Variants in PEMT observed in about 807,000 individuals in gnomAD.
PEMT encodes phospholipid methyltransferase.
PEMT carries 23 observed loss-of-function variants against 27.4 expected under a neutral mutation model. The ratio of observed to expected loss-of-function variants is 0.84; its 90% CI spans 0.60 to 1.19. PEMT has a LOEUF of 1.19. Ranked by LOEUF, PEMT falls within the 50% of genes most tolerant of loss-of-function variation. The pLI is 0.00. For missense variants in PEMT, 307 were observed against 310.1 expected (o/e 0.99, Z 0.07); for synonymous variants, 137 against 139.1 (o/e 0.98, Z 0.11).
chr17:17,519,604 C>T (rs74409119), intron 3 of PEMT, among the ~76,000 whole-genome samples: 132 of 151,858 alleles, frequency 8.7e-4, no homozygotes, highest in African/African-American at 2.8e-3. Context: ...ACACAGCACT[C>T]GGCTGGGGCC....
intron 2 of PEMT, among the ~76,000 whole-genome samples, chr17:17,549,362 G>A (rs574969858): frequency 6.6e-6 from 1 of 152,200 alleles, no homozygotes; most frequent in Non-Finnish European, 1.5e-5. Context: ...GCTAATTTTT[G>A]TATTTTTAGT....
At chr17:17,580,921 C>T (rs377611554) in intron 1 of PEMT, among the ~76,000 whole-genome samples, 115 of 152,312 alleles carry the variant, frequency 7.6e-4, no homozygotes, top group African/African-American at 2.6e-3. Context: ...CCCCATGGAC[C>T]CTTACCTATG....
At chr17:17,511,806 C>T (rs1415367753) in intron 4 of PEMT, among the ~76,000 whole-genome samples, 1 of 150,162 alleles carries the variant, frequency 6.7e-6, no homozygotes. Flanking sequence ...CCCCTGCCCC[C>T]ATCTCCCCTC....
At chr17:17,541,652 C>T (rs1460307113) in intron 2 of PEMT, among the ~76,000 whole-genome samples, 2 of 152,252 alleles carry the variant, frequency 1.3e-5, no homozygotes, top group African/African-American at 4.8e-5. Context: ...TTTGTTGAGG[C>T]TTCTGGGGAT....
chr17:17,517,323 C>T (rs1906914932), intron 3 of PEMT, among the ~76,000 whole-genome samples: 1 of 152,264 alleles, frequency 6.6e-6, no homozygotes, highest in Non-Finnish European at 1.5e-5. Context: ...CACTTGGCTT[C>T]CCAGTCCACA....
At position 17,591,615 on chromosome 17, in the gene PEMT, A is replaced by T. The variant is rs750280583; in HGVS notation, c.12T>A (p.Ser4=). The change falls in exon 1 of 7, where the codon TCT becomes TCA. Residue 4 remains serine, a synonymous_variant. Transcript: ENST00000255389. MKR[S]GNPGAEVTNS... is the part of the protein sequence containing the mutation. ...TCGTTACCTCGGCTCCCGGGTTCCC[A>T]GATCTCTTCATCCGGGGGCCGCCTC... The T allele has an allele frequency of 2.5e-6, 4 of 1,612,668 alleles. No homozygotes were observed. Among genetic ancestry groups the T allele is most frequent in the Admixed American group, 1.7e-5 (1 of 59,954 alleles).
intron 2 of PEMT, among the ~76,000 whole-genome samples, chr17:17,545,061 GCCA>G: frequency 6.6e-6 from 1 of 152,306 alleles, no homozygotes; most frequent in South Asian, 2.1e-4. Flanking sequence ...CGTGCAGGCG[GCCA>G]CCAAGGAGCT....
intron 4 of PEMT, among the ~76,000 whole-genome samples, chr17:17,511,128 C>T (rs1013989264): frequency 2.6e-5 from 4 of 152,182 alleles, no homozygotes; most frequent in Admixed American, 6.5e-5. Flanking sequence ...CTGTCCCAAC[C>T]GACAGCACCT....
chr17:17,555,672 C>T (rs887128446), intron 2 of PEMT, among the ~76,000 whole-genome samples: 24 of 152,210 alleles, frequency 1.6e-4, no homozygotes, highest in African/African-American at 5.5e-4. Context: ...TTGGTCACAT[C>T]GGCTCTGACC....
At chr17:17,571,613 G>A (rs1911198207) in intron 2 of PEMT, among the ~76,000 whole-genome samples, 1 of 152,194 alleles carries the variant, frequency 6.6e-6, no homozygotes, top group Non-Finnish European at 1.5e-5. Context: ...TAGAGCCACA[G>A]CCCAGAAAGG....
At position 17,513,787 on chromosome 17, in the gene PEMT, G is replaced by A. The variant is rs1906594868; in HGVS notation, c.321-1133C>T. ...CGCTGGTGGGAAGGGGGCCCTGGGT[G>A]CTAGATGAGAGGCACACTCACAGGA... is the stretch of plus-strand genomic sequence containing the variant. On this transcript the variant is annotated intron_variant, in intron 3 of 6. Transcript: ENST00000255389. This position sits in a 1 kb window ranked among gnomAD's most constrained non-coding sequence, Gnocchi z 4.1. 6.6e-6 allele frequency among the ~76,000 whole-genome samples: 1 copy of A among 151,992 alleles called. No individual in the cohort carries two copies. The highest frequency in any genetic ancestry group is 2.4e-5 in the African/African-American group (1 of 41,344).
intron 2 of PEMT, among the ~76,000 whole-genome samples, chr17:17,556,334 T>C (rs1478025407): frequency 2.0e-5 from 3 of 151,502 alleles, no homozygotes; most frequent in African/African-American, 7.3e-5. Context: ...CGGAGCCTTC[T>C]GCATGGGAGC....
intron 2 of PEMT, among the ~76,000 whole-genome samples, chr17:17,572,775 G>A (rs1911294033): frequency 6.6e-6 from 1 of 152,242 alleles, no homozygotes; most frequent in African/African-American, 2.4e-5. Context: ...AGTCTCCAAA[G>A]GGGATATTAA....
chr17:17,570,185 G>T (rs776557472), intron 2 of PEMT, among the ~76,000 whole-genome samples: 6 of 152,232 alleles, frequency 3.9e-5, no homozygotes, highest in Non-Finnish European at 7.3e-5. Flanking sequence ...CCTTGACACA[G>T]AAGGTCAGGC....
chr17:17,548,070 C>T (rs2142631308), intron 2 of PEMT, among the ~76,000 whole-genome samples: 1 of 152,370 alleles, frequency 6.6e-6, no homozygotes, highest in East Asian at 1.9e-4. Context: ...CCGAACCTCC[C>T]CCCACCTCCC....
intron 5 of PEMT, chr17:17,507,485 G>C: frequency 2.1e-6 from 1 of 476,554 alleles, no homozygotes; most frequent in Non-Finnish European, 3.8e-6. Flanking sequence ...CTGTCTGGGA[G>C]CTGCAGGAGG....
rs1199476642 is a variant in PEMT, at chr17:17,507,091, A to G, written c.579-790T>C. The G allele has an allele frequency of 2.1e-6, 3 of 1,408,180 alleles. No homozygotes were observed. In the African/African-American group the frequency reaches 4.3e-5, roughly 20 times the overall value. The allele number at this position is 1,408,180 out of a possible 1,614,324, so 87.2% of individuals were successfully genotyped here. A position where few individuals can be genotyped will look rare whatever the true frequency, so the allele number is the denominator to read the frequency against. On this transcript the variant is annotated intron_variant, in intron 5 of 6. Coordinates refer to ENST00000255389, the MANE Select transcript of PEMT (RefSeq NM_148172.3). Reference sequence around the variant, plus strand: ...CGGCAGCTCGTCAGTGACGGCACCAAGGAGCCCGGGCGCAGCTGCTTTGGG... The same window carrying G: ...CGGCAGCTCGTCAGTGACGGCACCAGGGAGCCCGGGCGCAGCTGCTTTGGG...
intron 2 of PEMT, among the ~76,000 whole-genome samples, chr17:17,550,825 C>T (rs1219865161): frequency 2.6e-5 from 4 of 152,172 alleles, no homozygotes; most frequent in South Asian, 4.1e-4. Context: ...GTGCACATCT[C>T]GGAGATGTGA....
chr17:17,591,990 C>T, upstream of PEMT: 11 of 985,404 alleles, frequency 1.1e-5, no homozygotes, highest in Non-Finnish European at 1.3e-5. Context: ...CCTTGCCTGG[C>T]GGCGGTGGGG....
Sources: gnomAD v4.1 joint callset for allele counts (sites outside exome capture counted in the v4.1 genomes callset) on GRCh38, gnomAD v4.1.1 for gene constraint, Gnocchi (gnomAD v3.1) non-coding constraint, MANE v1.5 for transcripts, NCBI Gene and HGNC (gene_info 2026-07-23, HGNC 2026-07-21) for gene names.